The following HDAC9 variants were observed in gnomAD, a reference collection of about 807,000 sequenced individuals.
HDAC9 encodes MEF-2 interacting transcription repressor (MITR) protein.
HDAC9 carries 41 observed loss-of-function variants against 139.4 expected under a neutral mutation model. The ratio of observed to expected loss-of-function variants is 0.29; its 90% CI spans 0.23 to 0.38. The LOEUF is 0.38. HDAC9 is among the 10% of genes least tolerant of loss of function. The pLI is 1.00. For missense variants in HDAC9, 1,147 were observed against 1,297.0 expected (o/e 0.88, Z 1.78); for synonymous variants, 517 against 476.2 (o/e 1.09, Z -1.12).
At chr7:18,581,623 T>C (rs1827857236) in intron 2 of HDAC9, among the ~76,000 whole-genome samples, 2 of 152,222 alleles carry the variant, frequency 1.3e-5, no homozygotes, top group South Asian at 4.1e-4. Context: ...CTGACCTTTG[T>C]TTTTTGAGAT....
intron 12 of HDAC9, among the ~76,000 whole-genome samples, chr7:18,687,628 T>C (rs1782367079): frequency 6.6e-6 from 1 of 151,836 alleles, no homozygotes; most frequent in Admixed American, 6.6e-5. Flanking sequence ...CACTATGGAA[T>C]AAATTATTTC....
At chr7:18,421,744 G>C (rs896977745) in intron 1 of HDAC9, among the ~76,000 whole-genome samples, 1 of 152,136 alleles carries the variant, frequency 6.6e-6, no homozygotes, top group Non-Finnish European at 1.5e-5. Flanking sequence ...CCCCAAAACA[G>C]TCTCTTAACC....
intron 16 of HDAC9, among the ~76,000 whole-genome samples, chr7:18,789,286 G>GCGCGCACACACACA (rs146066951): frequency 1.0e-3 from 155 of 148,504 alleles, no homozygotes; most frequent in East Asian, 3.7e-3. Context: ...ACACATACAC[G>GCGCGCACACACACA]CACACACACA....
chr7:18,996,143 G>A lies in HDAC9; in HGVS notation c.*81G>A, dbSNP rs1057308614. The stretch of plus-strand genomic sequence containing the variant: ...ACCCCAGTACCCTCAGACATGTCTT[G>A]TCTGCTGCCTGGGTGGCACAGATTC... On this transcript the variant is annotated 3_prime_UTR_variant, in exon 26 of 26. Coordinates refer to ENST00000686413, the MANE Select transcript of HDAC9 (RefSeq NM_178425.4). 1.2e-5 allele frequency: 12 copies of A among 1,025,474 alleles called. No individual in the cohort carries two copies. Among genetic ancestry groups the A allele is most frequent in the Admixed American group, 4.2e-5 (2 of 47,384 alleles). The allele number at this position is 1,025,474 out of a possible 1,614,324, so 63.5% of individuals were successfully genotyped here. A position where few individuals can be genotyped will look rare whatever the true frequency, so the allele number is the denominator to read the frequency against.
At chr7:18,932,552 A>G (rs368859064) in intron 22 of HDAC9, among the ~76,000 whole-genome samples, 30 of 152,278 alleles carry the variant, frequency 2.0e-4, no homozygotes, top group East Asian at 1.2e-3. Flanking sequence ...TGGAACATTA[A>G]TAATCTACTG....
At position 18,154,417 on chromosome 7, in the gene HDAC9, A is replaced by G. The variant is rs1361734135; in HGVS notation, c.-96-7812A>G. 2.6e-5 allele frequency among the ~76,000 whole-genome samples: 4 copies of G among 152,218 alleles called. No individual in the cohort carries two copies. The East Asian group carries it at 5.8e-4, about 22-fold the overall frequency. On this transcript the variant is annotated intron_variant, in intron 1 of 12. Coordinates refer to the HDAC9 transcript ENST00000417496. Reference sequence around the variant, plus strand: ...AGGACTCTGTGCCACAGTGAGAGGCACTATGTGTCACTGTTTTCTCTTGGG... The same window carrying G: ...AGGACTCTGTGCCACAGTGAGAGGCGCTATGTGTCACTGTTTTCTCTTGGG...
At chr7:18,222,309 A>G (rs1246271810) in intron 2 of HDAC9, among the ~76,000 whole-genome samples, 1 of 152,138 alleles carries the variant, frequency 6.6e-6, no homozygotes, top group Non-Finnish European at 1.5e-5. Context: ...TAGTTCTTTT[A>G]AAAAGGAAGT....
intron 16 of HDAC9, among the ~76,000 whole-genome samples, chr7:18,776,938 T>C (rs561488098): frequency 6.6e-6 from 1 of 151,984 alleles, no homozygotes; most frequent in Non-Finnish European, 1.5e-5. Flanking sequence ...GGTTGTTCTA[T>C]TCAGAACACA....
intron 6 of HDAC9, among the ~76,000 whole-genome samples, chr7:18,619,907 G>A (rs896686565): frequency 3.9e-5 from 6 of 152,104 alleles, no homozygotes; most frequent in Non-Finnish European, 8.8e-5. Context: ...AGCCCTGGAG[G>A]ATCCTCTTTC....
intron 1 of HDAC9, among the ~76,000 whole-genome samples, chr7:18,401,095 T>G (rs1787496111): frequency 6.6e-6 from 1 of 152,204 alleles, no homozygotes; most frequent in African/African-American, 2.4e-5. Flanking sequence ...TTTCATTACT[T>G]TTAATCATTT....
At chr7:18,334,308 A>G (rs1260136661) in intron 1 of HDAC9, among the ~76,000 whole-genome samples, 2 of 151,486 alleles carry the variant, frequency 1.3e-5, no homozygotes, top group South Asian at 2.1e-4. Flanking sequence ...ATATTTTAAA[A>G]TAATAATTCA....
At chr7:18,986,642 AT>A (rs1184045459) in intron 25 of HDAC9, among the ~76,000 whole-genome samples, 1 of 151,582 alleles carries the variant, frequency 6.6e-6, no homozygotes, top group Non-Finnish European at 1.5e-5. Flanking sequence ...ATGGCATTGA[AT>A]CTGTAAATTA....
chr7:18,513,244 G>A (rs1586538219), intron 2 of HDAC9, among the ~76,000 whole-genome samples: 1 of 152,154 alleles, frequency 6.6e-6, no homozygotes, highest in South Asian at 2.1e-4. Flanking sequence ...TGAAGATAGG[G>A]CAGGGACTTT....
Position 18,425,455 on chromosome 7 carries a change from C to T in HDAC9, c.-41-70807C>T, listed in dbSNP as rs145783041. 2.1e-3 allele frequency among the ~76,000 whole-genome samples: 317 copies of T among 152,246 alleles called. 1 individual carries two copies. The highest frequency in any genetic ancestry group is 6.8e-3 in the Middle Eastern group (2 of 294). ...TTCACAGCTGAGTGGGCAGGTGACG[C>T]GTGTTAGGGAGAGAGCTGCTATCTG... is the stretch of plus-strand genomic sequence containing the variant. On this transcript the variant is annotated intron_variant, in intron 1 of 3. Transcript: ENST00000413509.
At chr7:18,502,614 GATAAT>G (rs1434910879) in intron 2 of HDAC9, 4 of 152,126 alleles carry the variant, frequency 2.6e-5, no homozygotes, top group African/African-American at 9.7e-5. Context: ...TTTTCATGAA[GATAAT>G]ATATCTGTTT....
intron 1 of HDAC9, among the ~76,000 whole-genome samples, chr7:18,392,722 AT>A (rs1341558134): frequency 6.6e-6 from 1 of 151,974 alleles, no homozygotes; most frequent in Non-Finnish European, 1.5e-5. Context: ...TTATACTTTT[AT>A]TTTTCCAGAG....
At chr7:18,884,378 C>T (rs764009865) in intron 22 of HDAC9, among the ~76,000 whole-genome samples, 2 of 152,030 alleles carry the variant, frequency 1.3e-5, no homozygotes, top group Non-Finnish European at 2.9e-5. Context: ...GAATAGAGGA[C>T]CCAGAAATAA....
chr7:18,279,055 G>A (rs1796928885), intron 2 of HDAC9, among the ~76,000 whole-genome samples: 2 of 152,158 alleles, frequency 1.3e-5, no homozygotes, highest in South Asian at 2.1e-4. Flanking sequence ...AATCTCAGGC[G>A]TGGACAGAAT....
intron 2 of HDAC9, among the ~76,000 whole-genome samples, chr7:18,519,631 G>A (rs966252722): frequency 1.3e-5 from 2 of 152,034 alleles, no homozygotes; most frequent in African/African-American, 4.8e-5. Context: ...GGAGGAAAGG[G>A]GTGTTGTCAT....
Sources: allele counts gnomAD v4.1 joint callset (sites outside exome capture counted in the v4.1 genomes callset), GRCh38; gene constraint gnomAD v4.1.1; transcripts MANE v1.5; gene names NCBI Gene and HGNC (gene_info 2026-07-23, HGNC 2026-07-21).